Variants in HOMER1 observed in about 807,000 individuals in gnomAD.
HOMER1 encodes the protein homer protein homolog 1.
A neutral mutation model predicts 48.9 loss-of-function variants in HOMER1; 3 were observed. The ratio of observed to expected loss-of-function variants is 0.06; its 90% CI spans 0.03 to 0.16. The LOEUF is 0.16. HOMER1 is among the 10% of genes least tolerant of loss of function. The pLI, the probability that HOMER1 is intolerant of heterozygous loss-of-function variation, is 1.00. For missense variants in HOMER1, 247 were observed against 411.4 expected, an observed-to-expected ratio of 0.60 and a Z score of 3.46; for synonymous variants, 134 against 146.4, an observed-to-expected ratio of 0.92 and a Z score of 0.61.
chr5:79,392,627 T>A (rs1280163979), intron 8 of HOMER1, among the ~76,000 whole-genome samples: 8 of 152,120 alleles, frequency 5.3e-5, no homozygotes, highest in African/African-American at 1.7e-4. Context: ...ATTGAAGAAA[T>A]AACATTTTAA....
intron 5 of HOMER1, among the ~76,000 whole-genome samples, chr5:79,438,809 T>C (rs572315057): frequency 2.4e-4 from 36 of 151,352 alleles, no homozygotes; most frequent in African/African-American, 8.5e-4. Context: ...GCAGTCCATC[T>C]ATGCAACTAT....
chr5:79,505,921 T>C (rs190425294), intron 1 of HOMER1, among the ~76,000 whole-genome samples: 49 of 152,248 alleles, frequency 3.2e-4, no homozygotes, highest in Non-Finnish European at 6.5e-4. Context: ...AAAATTATTT[T>C]AGCTACGCAA....
At position 79,406,214 on chromosome 5, in the gene HOMER1, C is replaced by A. The variant is rs141636679; in HGVS notation, c.528-4159G>T. Among the ~76,000 whole-genome samples the A allele has an allele frequency of 9.0e-3, 1,374 of 152,180 alleles. 14 individuals are homozygous for A. The highest frequency in any genetic ancestry group is 0.013 in the Non-Finnish European group (880 of 67,998). On this transcript the variant is annotated intron_variant, in intron 5 of 8. Transcript: ENST00000334082. ...TCTTCAAATTCATCCTAGCATTATC[C>A]AGTATTTTCATATTTGGTTGGTATT...
chr5:79,388,201 C>T (rs940126221), intron 8 of HOMER1, among the ~76,000 whole-genome samples: 4 of 152,176 alleles, frequency 2.6e-5, no homozygotes, highest in Non-Finnish European at 5.9e-5. Flanking sequence ...CTTAGAAAGG[C>T]TGAAGACAGT....
intron 8 of HOMER1, among the ~76,000 whole-genome samples, chr5:79,379,104 A>C (rs1294708022): frequency 1.7e-5 from 1 of 59,370 alleles, no homozygotes; most frequent in African/African-American, 1.1e-4. Flanking sequence ...ATATATATAT[A>C]TATATATATA....
At chr5:79,452,475 T>C (rs1406750116) in intron 2 of HOMER1, among the ~76,000 whole-genome samples, 5 of 152,180 alleles carry the variant, frequency 3.3e-5, no homozygotes, top group African/African-American at 1.2e-4. Flanking sequence ...AATAGACAGA[T>C]GTTAACAAAT....
chr5:79,486,720 C>T (rs1002274885), intron 1 of HOMER1, among the ~76,000 whole-genome samples: 2 of 152,080 alleles, frequency 1.3e-5, no homozygotes, highest in African/African-American at 4.8e-5. Flanking sequence ...TCTCAAAGGA[C>T]AGAATGGCAT....
chr5:79,389,957 T>G (rs751580689), intron 8 of HOMER1, among the ~76,000 whole-genome samples: 34 of 152,290 alleles, frequency 2.2e-4, no homozygotes, highest in Non-Finnish European at 4.3e-4. Flanking sequence ...TTATTAAGTG[T>G]GTTAATAATT....
chr5:79,492,816 A>T (rs1403398779), intron 1 of HOMER1, among the ~76,000 whole-genome samples: 1 of 151,782 alleles, frequency 6.6e-6, no homozygotes, highest in African/African-American at 2.4e-5. Flanking sequence ...AGTGATACGT[A>T]TATTAAAATA....
chr5:79,483,878 A>C (rs990345241), intron 1 of HOMER1, among the ~76,000 whole-genome samples: 1 of 151,692 alleles, frequency 6.6e-6, no homozygotes, highest in Non-Finnish European at 1.5e-5. Flanking sequence ...AACATGGTAA[A>C]ACCCCGTCTC....
intron 8 of HOMER1, among the ~76,000 whole-genome samples, chr5:79,382,401 G>C (rs902528933): frequency 2.3e-4 from 35 of 152,084 alleles, no homozygotes; most frequent in African/African-American, 8.0e-4. Context: ...AAAAGAACAA[G>C]AGATAAGCAT....
At chr5:79,469,538 C>T (rs1392603202) in intron 1 of HOMER1, among the ~76,000 whole-genome samples, 1 of 152,146 alleles carries the variant, frequency 6.6e-6, no homozygotes, top group Non-Finnish European at 1.5e-5. Context: ...ATGAATAGCA[C>T]ATCTGTTATT....
At chr5:79,491,438 CAAAAA>C (rs56778843) in intron 1 of HOMER1, among the ~76,000 whole-genome samples, 25 of 57,708 alleles carry the variant, frequency 4.3e-4, no homozygotes, top group Non-Finnish European at 5.6e-4. Context: ...GACCTTGTCT[CAAAAA>C]AAAAAAAAAA....
At chr5:79,417,073 A>C (rs1051649328) in intron 5 of HOMER1, among the ~76,000 whole-genome samples, 3 of 152,076 alleles carry the variant, frequency 2.0e-5, no homozygotes, top group Admixed American at 6.6e-5. Context: ...GATGCTGTGA[A>C]TTATGTATCT....
At chr5:79,470,190 T>C (rs547157240) in intron 1 of HOMER1, among the ~76,000 whole-genome samples, 1 of 152,168 alleles carries the variant, frequency 6.6e-6, no homozygotes, top group Non-Finnish European at 1.5e-5. Flanking sequence ...AAGACAAGTT[T>C]ACTACAGTGT....
intron 1 of HOMER1, among the ~76,000 whole-genome samples, chr5:79,503,085 C>A (rs142917631): frequency 0.022 from 3,341 of 152,244 alleles, 62 homozygotes; most frequent in Non-Finnish European, 0.033. Flanking sequence ...CTGCGCCCAG[C>A]CTGCATGTAA....
At chr5:79,502,168 C>T (rs1440836196) in intron 1 of HOMER1, among the ~76,000 whole-genome samples, 7 of 151,678 alleles carry the variant, frequency 4.6e-5, no homozygotes, top group Non-Finnish European at 8.8e-5. Flanking sequence ...TACAAGTGCA[C>T]ACCACCACGC....
intron 5 of HOMER1, among the ~76,000 whole-genome samples, chr5:79,421,003 T>C (rs1170598986): frequency 6.6e-6 from 1 of 152,250 alleles, no homozygotes; most frequent in African/African-American, 2.4e-5. Flanking sequence ...TATGATTATA[T>C]ATGTATACAA....
chr5:79,485,730 A>G (rs1752081343), intron 1 of HOMER1, among the ~76,000 whole-genome samples: 1 of 152,244 alleles, frequency 6.6e-6, no homozygotes. Flanking sequence ...ACCTAATTGA[A>G]GTTGGTTAGT....
Sources: gnomAD v4.1 joint callset for allele counts (sites outside exome capture counted in the v4.1 genomes callset) on GRCh38, gnomAD v4.1.1 for gene constraint, MANE v1.5 for transcripts, NCBI Gene and HGNC (gene_info 2026-07-23, HGNC 2026-07-21) for gene names.